Variants in SPAG9 observed in about 807,000 individuals in gnomAD.
SPAG9 encodes the protein C-Jun-amino-terminal kinase-interacting protein 4.
A neutral mutation model predicts 166.5 loss-of-function variants in SPAG9; 35 were observed. That is an observed-to-expected ratio of 0.21 (90% CI 0.16 to 0.28). The LOEUF (loss-of-function observed/expected upper bound fraction) is 0.28. Ranked by LOEUF, SPAG9 falls within the 10% of genes least tolerant of loss-of-function variation. The pLI is 1.00. For synonymous variants in SPAG9, 534 were observed against 565.5 expected (o/e 0.94, Z 0.79); for missense variants, 1,235 against 1,603.3 (o/e 0.77, Z 3.92).
Position 50,993,811 on chromosome 17 carries a change from C to T in SPAG9, c.2351G>A (p.Ser784Asn). The stretch of plus-strand genomic sequence containing the variant: ...AACATGAGAGTTGCAAACAGTGAAA[C>T]TGTCTAGGATGTTGCCAGGTTGAAC... Reference protein sequence around the residue: ...DAVQPGNILDSFTVCNSHVLC... With the variant: ...DAVQPGNILDNFTVCNSHVLC... The change falls in exon 19 of 30, where the codon AGT (serine) becomes AAT (asparagine). Residue 784 changes from serine (S) to asparagine (N), a missense_variant. By Grantham distance (46) the Ser-to-Asn change is conservative. This residue lies in a region of SPAG9 where 493 missense variants were observed against 559.4 expected (regional missense o/e 0.88). Transcript: ENST00000262013. 1 of 1,614,154 alleles carries T rather than the reference C, an allele frequency of 6.2e-7. No individual in the cohort carries two copies. Among genetic ancestry groups the T allele is most frequent in the Non-Finnish European group, 8.5e-7 (1 of 1,180,032 alleles).
intron 3 of SPAG9, among the ~76,000 whole-genome samples, chr17:51,048,388 T>C (rs1414844849): frequency 6.6e-6 from 1 of 151,886 alleles, no homozygotes; most frequent in East Asian, 1.9e-4. Context: ...ATTTAAAGGG[T>C]GTAAATATTA....
Position 50,990,029 on chromosome 17 carries a change from G to C in SPAG9, c.2618-157C>G, listed in dbSNP as rs1300568771. 5.8e-6 allele frequency: 4 copies of C among 694,024 alleles called. No individual in the cohort carries two copies. In the East Asian group the frequency reaches 8.1e-5, roughly 14 times the overall value. 43.0% of individuals were successfully genotyped at this position (694,024 alleles called of 1,614,324 possible). On this transcript the variant is annotated intron_variant, in intron 20 of 29. Transcript: ENST00000262013. ...TTCATTCCATTTAACAGTCATTACA[G>C]CATTTTTTTTTTTTTTGAGACAGAG...
chr17:51,015,661 C>T (rs2045666955), intron 8 of SPAG9, among the ~76,000 whole-genome samples: 1 of 148,716 alleles, frequency 6.7e-6, no homozygotes, highest in Admixed American at 6.8e-5. Context: ...ATGTTGCATT[C>T]GTAAAATAGC....
chr17:51,076,843 T>C (rs1026777856), intron 2 of SPAG9, among the ~76,000 whole-genome samples: 1 of 152,016 alleles, frequency 6.6e-6, no homozygotes, highest in Non-Finnish European at 1.5e-5. Context: ...ACTGTGTCTT[T>C]AGTGTTTGGT....
At chr17:51,049,629 T>C (rs78821302) in intron 3 of SPAG9, among the ~76,000 whole-genome samples, 7,349 of 152,194 alleles carry the variant, frequency 0.048, 528 homozygotes, top group African/African-American at 0.16. Context: ...CAGTGAACCA[T>C]GAGTCTCACT....
chr17:51,040,959 T>C (rs184853935), intron 5 of SPAG9, among the ~76,000 whole-genome samples: 4 of 152,370 alleles, frequency 2.6e-5, no homozygotes, highest in East Asian at 3.9e-4. Flanking sequence ...TTATTGTTTA[T>C]ATTTATCACT....
At chr17:51,084,247 C>G (rs1342143692) in intron 1 of SPAG9, 2 of 151,968 alleles carry the variant, frequency 1.3e-5, no homozygotes, top group African/African-American at 2.4e-5. Context: ...ACTATGAAGT[C>G]TGAGTAAGTT....
intron 2 of SPAG9, among the ~76,000 whole-genome samples, chr17:51,065,998 G>C (rs973925455): frequency 1.3e-5 from 2 of 152,150 alleles, no homozygotes; most frequent in African/African-American, 4.8e-5. Flanking sequence ...TTTGTGGCTA[G>C]TTCGTTATAG....
intron 21 of SPAG9, 72 bp from the exon 22 acceptor site, chr17:50,987,309 C>T: frequency 7.6e-7 from 1 of 1,312,748 alleles, no homozygotes; most frequent in Non-Finnish European, 1.0e-6. Context: ...GGGACTGAAT[C>T]CTTCTATATT....
At chr17:51,080,276 G>A (rs1375512697) in intron 1 of SPAG9, among the ~76,000 whole-genome samples, 3 of 151,456 alleles carry the variant, frequency 2.0e-5, no homozygotes, top group African/African-American at 7.3e-5. Context: ...TCTGACAAGT[G>A]ATCCGCTCTC....
In SPAG9 at chr17:51,079,700, A is replaced by C. The variant is rs1204849317; in HGVS notation, c.308T>G (p.Phe103Cys). Reference protein sequence around the residue: ...KALRKHAEEKFIEFEDSQEQE... With the variant: ...KALRKHAEEKCIEFEDSQEQE... ...TTCTTGAGAGTCTTCAAATTCAATGAATTTCTAATAAAGAAGAACAATATA... is the reference window on the plus strand; with the variant it reads ...TTCTTGAGAGTCTTCAAATTCAATGCATTTCTAATAAAGAAGAACAATATA... Residue 103 changes from phenylalanine (F) to cysteine (C), a missense_variant, in exon 2 of 30, where the codon TTC becomes TGC. Physicochemically the swap from Phe to Cys is radical, Grantham distance 205. Coordinates refer to ENST00000262013, the MANE Select transcript of SPAG9 (RefSeq NM_001130528.3). 2 of 1,530,266 alleles carry C rather than the reference A, an allele frequency of 1.3e-6. No homozygotes were observed. Among genetic ancestry groups the C allele is most frequent in the Non-Finnish European group, 1.8e-6 (2 of 1,112,514 alleles). 94.8% of individuals were successfully genotyped at this position (1,530,266 alleles called of 1,614,324 possible). A position where few individuals can be genotyped will look rare whatever the true frequency, so the allele number is the denominator to read the frequency against.
At position 51,051,403 on chromosome 17, in the gene SPAG9, C is replaced by T. The variant is rs111464810; in HGVS notation, c.496-3934G>A. Among the ~76,000 whole-genome samples the T allele has an allele frequency of 2.6e-3, 396 of 152,276 alleles. 1 individual carries two copies. Among genetic ancestry groups the T allele is most frequent in the African/African-American group, 9.1e-3 (378 of 41,574 alleles). On this transcript the variant is annotated intron_variant, in intron 3 of 29. Coordinates refer to ENST00000262013, the MANE Select transcript of SPAG9 (RefSeq NM_001130528.3). ...GATAACAGGCGTGAGCCACTGCACT[C>T]GGCCAAGGTGTTAGTGTTATTAAAA...
intron 25 of SPAG9, 61 bp from the exon 26 acceptor site, chr17:50,979,978 T>G (rs1210445446): frequency 1.3e-6 from 2 of 1,513,548 alleles, no homozygotes; most frequent in Non-Finnish European, 1.8e-6. Context: ...TATTTAAAAC[T>G]GTGCTAATTT....
At chr17:50,972,998 T>C (rs1054335793) in intron 28 of SPAG9, among the ~76,000 whole-genome samples, 6 of 151,958 alleles carry the variant, frequency 3.9e-5, no homozygotes, top group Admixed American at 1.3e-4. Flanking sequence ...TTTTTAATAG[T>C]GAAAAAAGAA....
In SPAG9 at chr17:51,005,077, T is replaced by C. The variant is rs2045145888; in HGVS notation, c.1476+135A>G. ...TACCATGCAGAAGCATGAGCTATCC[T>C]ATTCATGACCATAAACATGTCTCCT... On this transcript the variant is annotated intron_variant, in intron 12 of 29. Coordinates refer to ENST00000262013, the MANE Select transcript of SPAG9 (RefSeq NM_001130528.3). 5.6e-6 allele frequency: 4 copies of C among 711,572 alleles called. No homozygotes were observed. The East Asian group carries it at 1.1e-4, about 19-fold the overall frequency. The allele number at this position is 711,572 out of a possible 1,614,324, so 44.1% of individuals were successfully genotyped here. A position where few individuals can be genotyped will look rare whatever the true frequency, so the allele number is the denominator to read the frequency against.
In SPAG9 at chr17:51,103,460, T is replaced by C. The variant is rs2048859828; in HGVS notation, c.303+16894A>G. On this transcript the variant is annotated intron_variant, in intron 1 of 29. Transcript: ENST00000262013. ...GCAACAGAAAAGAAGAGAAAGTGAG[T>C]GCCAAGCAAAGGGACAGCTTTTAGG... Among the ~76,000 whole-genome samples, 7 of 152,028 alleles carry C rather than the reference T, an allele frequency of 4.6e-5. 1 individual carries two copies. In the South Asian group the frequency reaches 1.5e-3, roughly 32 times the overall value.
chr17:51,083,396 G>A (rs967503197), intron 1 of SPAG9, among the ~76,000 whole-genome samples: 6 of 151,034 alleles, frequency 4.0e-5, no homozygotes, highest in Non-Finnish European at 5.9e-5. Context: ...CACCGCACCC[G>A]GCTAATTTTT....
At chr17:51,022,207 C>T (rs2045966786) in intron 6 of SPAG9, among the ~76,000 whole-genome samples, 1 of 151,462 alleles carries the variant, frequency 6.6e-6, no homozygotes, top group Non-Finnish European at 1.5e-5. Context: ...CGGGAGGATC[C>T]CTTGAGCCCA....
chr17:50,968,684 T>C (rs1973540579), intron 29 of SPAG9, among the ~76,000 whole-genome samples: 2 of 151,986 alleles, frequency 1.3e-5, no homozygotes, highest in Non-Finnish European at 2.9e-5. Flanking sequence ...TGAGCCAAGA[T>C]TGTGCCACTG....
Sources: allele counts gnomAD v4.1 joint callset (sites outside exome capture counted in the v4.1 genomes callset), GRCh38; gene constraint gnomAD v4.1.1; regional missense constraint gnomAD v4.1.1; transcripts MANE v1.5; gene names NCBI Gene and HGNC (gene_info 2026-07-23, HGNC 2026-07-21).